Variants in FGF12 observed in about 807,000 individuals in gnomAD.
FGF12 encodes the protein fibroblast growth factor 12.
A neutral mutation model predicts 23.6 loss-of-function variants in FGF12; 14 were observed. The ratio of observed to expected loss-of-function variants is 0.59; its 90% confidence interval spans 0.39 to 0.93. The LOEUF (loss-of-function observed/expected upper bound fraction) is 0.93. Among genes scored for constraint, FGF12 ranks in the 40% least tolerant of loss-of-function variants. FGF12 has a pLI of 0.00. For missense variants in FGF12, 175 were observed against 217.8 expected, an observed-to-expected ratio of 0.80 and a Z score of 1.24; for synonymous variants, 62 against 77.3, an observed-to-expected ratio of 0.80 and a Z score of 1.04.
chr3:192,310,163 G>T (rs1462076187), intron 4 of FGF12, among the ~76,000 whole-genome samples: 1 of 152,122 alleles, frequency 6.6e-6, no homozygotes, highest in African/African-American at 2.4e-5. Context: ...CTACAACCTG[G>T]ATTAACAGTC....
chr3:192,206,116 C>A (rs1433025098), intron 4 of FGF12, among the ~76,000 whole-genome samples: 2 of 152,194 alleles, frequency 1.3e-5, no homozygotes, highest in Non-Finnish European at 2.9e-5. Context: ...CCAGGCCAAT[C>A]CAGAGCAATG....
chr3:192,502,373 G>T (rs1724157267), intron 2 of FGF12, among the ~76,000 whole-genome samples: 1 of 152,132 alleles, frequency 6.6e-6, no homozygotes, highest in South Asian at 2.1e-4. Flanking sequence ...ATTCTTAGAA[G>T]AACGTCTTAT....
chr3:192,572,750 C>T (rs983724773), intron 2 of FGF12, among the ~76,000 whole-genome samples: 4 of 152,108 alleles, frequency 2.6e-5, no homozygotes, highest in African/African-American at 9.7e-5. Flanking sequence ...CACACAGTGA[C>T]CCATTCACAA....
chr3:192,220,351 A>G (rs1277707599), intron 4 of FGF12, among the ~76,000 whole-genome samples: 1 of 152,106 alleles, frequency 6.6e-6, no homozygotes, highest in African/African-American at 2.4e-5. Context: ...ACTCTAAATA[A>G]TTTACTATTG....
rs768163587 is a variant in FGF12 at position 192,140,614 on chromosome 3, G to A, written c.*3395C>T. ...ACTCTCATCTCCCACTAGTGGCACC[G>A]CAGGACTACCAATCTAGATATTAGA... On this transcript the variant is annotated 3_prime_UTR_variant, in exon 6 of 6. Transcript: ENST00000445105. The A allele has an allele frequency of 2.6e-5, 4 of 151,856 alleles. No individual in the cohort carries two copies. Among genetic ancestry groups the A allele is most frequent in the African/African-American group, 4.8e-5 (2 of 41,364 alleles). The allele number at this position is 151,856 out of a possible 1,614,324, so 9.4% of individuals were successfully genotyped here. A position where few individuals can be genotyped will look rare whatever the true frequency, so the allele number is the denominator to read the frequency against.
At chr3:192,385,561 C>CCA (rs1560094718) in intron 2 of FGF12, among the ~76,000 whole-genome samples, 2 of 152,084 alleles carry the variant, frequency 1.3e-5, no homozygotes, top group Non-Finnish European at 2.9e-5. Flanking sequence ...AGAATTCACC[C>CCA]CCCCCAGCTC....
chr3:192,422,181 A>T (rs958585688), intron 2 of FGF12, among the ~76,000 whole-genome samples: 4 of 152,140 alleles, frequency 2.6e-5, no homozygotes, highest in African/African-American at 9.7e-5. Context: ...TCAACAGAGG[A>T]AATACATTCT....
At chr3:192,439,856 A>G (rs1357369589) in intron 2 of FGF12, among the ~76,000 whole-genome samples, 1 of 152,026 alleles carries the variant, frequency 6.6e-6, no homozygotes, top group Non-Finnish European at 1.5e-5. Flanking sequence ...GGGCGCCTGT[A>G]ATCCCAGCTA....
intron 4 of FGF12, among the ~76,000 whole-genome samples, chr3:192,237,334 T>C (rs1719355785): frequency 6.6e-6 from 1 of 152,156 alleles, no homozygotes; most frequent in African/African-American, 2.4e-5. Flanking sequence ...TCTTGTATAG[T>C]ATTTTGCAGG....
intron 2 of FGF12, among the ~76,000 whole-genome samples, chr3:192,477,950 T>C (rs1723373264): frequency 6.6e-6 from 1 of 152,198 alleles, no homozygotes; most frequent in African/African-American, 2.4e-5. Context: ...CTGGAGATAA[T>C]TGCTTTCCCA....
chr3:192,686,378 C>T (rs1352626716), intron 2 of FGF12, among the ~76,000 whole-genome samples: 7 of 152,024 alleles, frequency 4.6e-5, no homozygotes, highest in South Asian at 4.2e-4. Context: ...ATGATCTTAG[C>T]GAGGAGAGTC....
At chr3:192,675,418 T>C (rs1717293443) in intron 2 of FGF12, among the ~76,000 whole-genome samples, 1 of 152,172 alleles carries the variant, frequency 6.6e-6, no homozygotes, top group African/African-American at 2.4e-5. Flanking sequence ...TATTTTATGA[T>C]ATAAGAGGAT....
At chr3:192,578,661 T>G (rs1210154073) in intron 2 of FGF12, among the ~76,000 whole-genome samples, 1 of 152,202 alleles carries the variant, frequency 6.6e-6, no homozygotes, top group East Asian at 1.9e-4. Context: ...TGTCTGATCT[T>G]TACTTGCTGG....
intron 3 of FGF12, among the ~76,000 whole-genome samples, chr3:192,358,220 G>A (rs528634622): frequency 3.3e-5 from 5 of 151,916 alleles, no homozygotes; most frequent in Non-Finnish European, 7.4e-5. Context: ...TGAAAAGTAA[G>A]ATTCCATGAG....
At chr3:192,718,163 T>TTC (rs1265973735) in intron 2 of FGF12, among the ~76,000 whole-genome samples, 3 of 136,562 alleles carry the variant, frequency 2.2e-5, no homozygotes, top group African/African-American at 8.1e-5. Flanking sequence ...TAGTCTTTCT[T>TTC]TTTTTTTTTT....
At chr3:192,169,263 C>T (rs1156798250) in intron 5 of FGF12, among the ~76,000 whole-genome samples, 1 of 152,012 alleles carries the variant, frequency 6.6e-6, no homozygotes, top group Non-Finnish European at 1.5e-5. Flanking sequence ...ATCGCTGGAA[C>T]CCAGGGGGCA....
intron 2 of FGF12, among the ~76,000 whole-genome samples, chr3:192,587,359 G>A (rs1713415292): frequency 6.6e-6 from 1 of 151,958 alleles, no homozygotes; most frequent in African/African-American, 2.4e-5. Flanking sequence ...TTGCTGGGCT[G>A]TGGAGCGGGC....
chr3:192,425,201 C>A (rs114322803), intron 2 of FGF12, among the ~76,000 whole-genome samples: 1,821 of 152,242 alleles, frequency 0.012, 23 homozygotes, highest in Middle Eastern at 0.037. Context: ...AACATAATTT[C>A]TCTCCTTAGA....
chr3:192,632,988 C>T (rs1715444688), intron 2 of FGF12, among the ~76,000 whole-genome samples: 1 of 152,044 alleles, frequency 6.6e-6, no homozygotes, highest in Non-Finnish European at 1.5e-5. Flanking sequence ...CTGCTTTCAT[C>T]CCCACTTTGG....
Sources: gnomAD v4.1 joint callset for allele counts (sites outside exome capture counted in the v4.1 genomes callset) on GRCh38, gnomAD v4.1.1 for gene constraint, MANE v1.5 for transcripts, NCBI Gene and HGNC (gene_info 2026-07-23, HGNC 2026-07-21) for gene names.